Variants in ABCA13 observed in about 807,000 individuals in gnomAD.
ABCA13 encodes the protein ATP-binding cassette sub-family A member 13.
In ABCA13, 476 loss-of-function variants were observed where a neutral mutation model predicts 478.7. That is an observed-to-expected ratio of 0.99 (90% CI 0.92 to 1.07). The LOEUF (loss-of-function observed/expected upper bound fraction) is 1.07, where lower values mean the gene tolerates loss of function less well. Ranked by LOEUF, ABCA13 falls within the 50% of genes least tolerant of loss-of-function variation. The pLI is 0.00. For synonymous variants in ABCA13, 2,252 were observed against 2,158.9 expected (o/e 1.04, Z -1.20); for missense variants, 6,060 against 5,910.6 (o/e 1.03, Z -0.83).
At chr7:48,389,336 A>T in intron 37 of ABCA13, 116 bp downstream of exon 37, 4 of 1,228,102 alleles carry the variant, frequency 3.3e-6, no homozygotes, top group Non-Finnish European at 3.3e-6. Context: ...GAGTCTCAAT[A>T]CAGAGTTTAG....
chr7:48,275,820 C>T lies in ABCA13; in HGVS notation c.6154C>T (p.Pro2052Ser), dbSNP rs745665399. Residue 2052 changes from proline (P) to serine (S), a missense_variant, in exon 17 of 62, where the codon CCT becomes TCT. This residue lies in a region of ABCA13 where 4,423 missense variants were observed against 4,309.1 expected (regional missense o/e 1.03). Coordinates refer to ENST00000435803, the MANE Select transcript of ABCA13 (RefSeq NM_152701.5). ...LSSFIEKSET[P>S]YNFEELWPKF... ...AAGTTTTATTGAAAAAAGTGAAACACCTTACAACTTTGAAGAACTATGGCC... is the reference window on the plus strand; with the variant it reads ...AAGTTTTATTGAAAAAAGTGAAACATCTTACAACTTTGAAGAACTATGGCC... 3.7e-6 allele frequency: 6 copies of T among 1,612,866 alleles called. No homozygotes were observed. Among genetic ancestry groups the T allele is most frequent in the African/African-American group, 1.3e-5 (1 of 75,006 alleles).
At chr7:48,201,990 G>A (rs1445848276) in intron 3 of ABCA13, among the ~76,000 whole-genome samples, 5 of 151,996 alleles carry the variant, frequency 3.3e-5, no homozygotes. Context: ...TTAACACGGC[G>A]TGTCTGGAGT....
At chr7:48,253,044 G>A (rs761349537) in intron 15 of ABCA13, among the ~76,000 whole-genome samples, 28 of 152,146 alleles carry the variant, frequency 1.8e-4, no homozygotes, top group Non-Finnish European at 2.5e-4. Context: ...CTAAGTGTGT[G>A]TTTTTATTCC....
At position 48,392,156 on chromosome 7, in the gene ABCA13, C is replaced by T. The variant is rs1418717630; in HGVS notation, c.11873+17C>T. On this transcript the variant is annotated intron_variant, in intron 38 of 61. Coordinates refer to ENST00000435803, the MANE Select transcript of ABCA13 (RefSeq NM_152701.5). Reference sequence around the variant, plus strand: ...AGTCAATCAGTTAGTAAACAGTTGTCTCTCTGCTCCTCCTGCCTCTGCCCA... The same window carrying T: ...AGTCAATCAGTTAGTAAACAGTTGTTTCTCTGCTCCTCCTGCCTCTGCCCA... 6.2e-7 allele frequency: 1 copy of T among 1,607,936 alleles called. No individual in the cohort carries two copies. The highest frequency in any genetic ancestry group is 2.2e-5 in the East Asian group (1 of 44,848).
chr7:48,630,785 A>G (rs1794099404), intron 59 of ABCA13, among the ~76,000 whole-genome samples: 1 of 149,190 alleles, frequency 6.7e-6, no homozygotes, highest in East Asian at 2.0e-4. Flanking sequence ...GTGGATAGGC[A>G]TTCCCATTTC....
intron 55 of ABCA13, among the ~76,000 whole-genome samples, chr7:48,549,209 C>T (rs1320977149): frequency 6.6e-6 from 1 of 151,722 alleles, no homozygotes; most frequent in African/African-American, 2.4e-5. Flanking sequence ...TGCTTTCCCT[C>T]CCCTTGCCCT....
In ABCA13 at chr7:48,427,751, T is replaced by C. The variant is rs779204702; in HGVS notation, c.12460-15T>C. ...AAACATAAAATAATACATGGCGTTTTTTTTTCTCCGAAAGGTGTTTTTGAT... is the reference window on the plus strand; with the variant it reads ...AAACATAAAATAATACATGGCGTTTCTTTTTCTCCGAAAGGTGTTTTTGAT... On this transcript the variant is annotated splice_polypyrimidine_tract_variant and intron_variant, in intron 41 of 61. Transcript: ENST00000435803. 2.5e-6 allele frequency: 4 copies of C among 1,574,270 alleles called. No homozygotes were observed. The highest frequency in any genetic ancestry group is 1.7e-4 in the Middle Eastern group (1 of 5,982).
Position 48,288,028 on chromosome 7 carries a change from C to T in ABCA13, c.8905C>T (p.Leu2969Phe). 1 of 1,613,992 alleles carries T rather than the reference C, an allele frequency of 6.2e-7. No homozygotes were observed. Among genetic ancestry groups the T allele is most frequent in the Non-Finnish European group, 8.5e-7 (1 of 1,179,890 alleles). Residue 2969 changes from leucine to phenylalanine, a missense_variant, in exon 20 of 62, where the codon CTC becomes TTC. By Grantham distance (22) the Leu-to-Phe change is conservative (BLOSUM62 0). Coordinates refer to ENST00000435803, the MANE Select transcript of ABCA13 (RefSeq NM_152701.5). ...LSCKQNGIRHLILSAIQGVTL... is the reference protein window; with the variant it reads ...LSCKQNGIRHFILSAIQGVTL... ...TTGCAAGCAAAATGGGATAAGGCATCTCATTTTATCTGCTATACAAGGGGT... is the reference window on the plus strand; with the variant it reads ...TTGCAAGCAAAATGGGATAAGGCATTTCATTTTATCTGCTATACAAGGGGT...
rs949630331 is a variant in ABCA13 at position 48,274,345 on chromosome 7, G to A, written c.4679G>A (p.Gly1560Asp). The A allele has an allele frequency of 3.7e-6, 6 of 1,613,336 alleles. No homozygotes were observed. Among genetic ancestry groups the A allele is most frequent in the South Asian group, 1.1e-5 (1 of 90,960 alleles). The change falls in exon 17 of 62, where the codon GGT becomes GAT. Residue 1560 changes from glycine (G) to aspartate (D), a missense_variant. Around this residue, in one of 3 missense-constraint regions of ABCA13, gnomAD observed 4,423 missense variants for 4,309.1 expected, o/e 1.03. Coordinates refer to ENST00000435803, the MANE Select transcript of ABCA13 (RefSeq NM_152701.5). The stretch of plus-strand genomic sequence containing the variant: ...AAGGAATTTCAGAAGCTTGTAAAAG[G>A]TATTTACTTTAACATCCTGGAAAAT... Reference protein sequence around the residue: ...LGKEFQKLVKGIYFNILENNS... With the variant: ...LGKEFQKLVKDIYFNILENNS...
In ABCA13 at chr7:48,508,007, T is replaced by G. The variant is rs1444893636; in HGVS notation, c.13482T>G (p.Leu4494=). Residue 4494 remains leucine, a synonymous_variant, in exon 50 of 62, where the codon CTT becomes CTG. Transcript: ENST00000435803. ...GAKRLQHISG[L]GYRMYWFTNF... is the part of the protein sequence containing the mutation. ...AAAGGTTGCAGCACATAAGTGGCCTTGGCTACAGGATGTACTGGTTCACAA... is the reference window on the plus strand; with the variant it reads ...AAAGGTTGCAGCACATAAGTGGCCTGGGCTACAGGATGTACTGGTTCACAA... The G allele has an allele frequency of 1.2e-6, 2 of 1,613,892 alleles. No homozygotes were observed. Among genetic ancestry groups the G allele is most frequent in the South Asian group, 2.2e-5 (2 of 91,084 alleles).
intron 41 of ABCA13, among the ~76,000 whole-genome samples, chr7:48,422,910 A>C (rs1290144251): frequency 6.6e-6 from 1 of 152,246 alleles, no homozygotes; most frequent in Non-Finnish European, 1.5e-5. Context: ...GGCTGGGGCC[A>C]TTGGCCAAAC....
At chr7:48,612,686 T>A (rs1382101373) in intron 58 of ABCA13, among the ~76,000 whole-genome samples, 1 of 152,236 alleles carries the variant, frequency 6.6e-6, no homozygotes, top group Non-Finnish European at 1.5e-5. Flanking sequence ...TTCCAGATGC[T>A]TACTATTATA....
intron 19 of ABCA13, among the ~76,000 whole-genome samples, chr7:48,286,975 A>G (rs756554241): frequency 1.3e-5 from 2 of 152,228 alleles, no homozygotes; most frequent in Non-Finnish European, 2.9e-5. Flanking sequence ...AGGTGCCACA[A>G]TGACAGGAAG....
chr7:48,447,326 C>T (rs1307774976), intron 42 of ABCA13, among the ~76,000 whole-genome samples: 1 of 152,164 alleles, frequency 6.6e-6, no homozygotes, highest in Admixed American at 6.5e-5. Context: ...TTGGGTAGGG[C>T]ATCTTGAACT....
intron 59 of ABCA13, 134 bp from the exon 60 acceptor site, chr7:48,643,154 T>C (rs1795219670): frequency 3.3e-6 from 2 of 598,210 alleles, no homozygotes; most frequent in Admixed American, 2.9e-5. Flanking sequence ...CTGTGTCTTA[T>C]ATTGAGAATC....
At chr7:48,416,974 A>C in intron 41 of ABCA13, among the ~76,000 whole-genome samples, 1 of 151,120 alleles carries the variant, frequency 6.6e-6, no homozygotes, top group South Asian at 2.1e-4. Flanking sequence ...TACCCATTTC[A>C]CAATATTTAT....
In ABCA13 at chr7:48,278,860, G is replaced by T; in HGVS notation, c.7666G>T (p.Asp2556Tyr). 1 of 1,613,458 alleles carries T rather than the reference G, an allele frequency of 6.2e-7. No individual in the cohort carries two copies. The highest frequency in any genetic ancestry group is 1.1e-5 in the South Asian group (1 of 91,066). The change falls in exon 18 of 62, where the codon GAC (aspartate) becomes TAC (tyrosine). Residue 2556 changes from aspartate (D) to tyrosine (Y), a missense_variant. Physicochemically the swap from Asp to Tyr is radical, Grantham distance 160. This residue lies in a region of ABCA13 where 4,423 missense variants were observed against 4,309.1 expected (regional missense o/e 1.03). Transcript: ENST00000435803. The part of the protein sequence containing the change: ...SNTKDSVKFF[D>Y]TLYSIMQQSV... ...TACCAAGGACAGTGTGAAATTCTTTGACACTCTGTATTCCATCATGCAACA... is the reference window on the plus strand; with the variant it reads ...TACCAAGGACAGTGTGAAATTCTTTTACACTCTGTATTCCATCATGCAACA...
intron 58 of ABCA13, among the ~76,000 whole-genome samples, chr7:48,612,634 T>A (rs1156717449): frequency 6.6e-6 from 1 of 152,208 alleles, no homozygotes; most frequent in Non-Finnish European, 1.5e-5. Flanking sequence ...AACTCTTACT[T>A]AAATGAGTGA....
At chr7:48,239,480 C>A in intron 9 of ABCA13, 75 bp downstream of exon 9, 1 of 1,471,430 alleles carries the variant, frequency 6.8e-7, no homozygotes, top group Non-Finnish European at 9.1e-7. Flanking sequence ...CCTCCCCTGC[C>A]CTGCCATGTT....
Sources: allele counts gnomAD v4.1 joint callset (sites outside exome capture counted in the v4.1 genomes callset), GRCh38; gene constraint gnomAD v4.1.1; regional missense constraint gnomAD v4.1.1; transcripts MANE v1.5; gene names NCBI Gene and HGNC (gene_info 2026-07-23, HGNC 2026-07-21).